The following SUMF1 variants were observed in gnomAD, a reference collection of about 807,000 sequenced individuals.
SUMF1 encodes the protein sulfatase modifying factor 1.
Under a neutral mutation model 47.6 loss-of-function variants are expected in SUMF1, and 48 were observed. The observed-to-expected ratio is 1.01, with a 90% CI of 0.80 to 1.28. The LOEUF (loss-of-function observed/expected upper bound fraction) is 1.28, where lower values mean the gene tolerates loss of function less well. SUMF1 is among the 50% of genes most tolerant of loss of function. The pLI, the probability that SUMF1 is intolerant of heterozygous loss-of-function variation, is 0.00. For synonymous variants in SUMF1, 230 were observed against 192.1 expected (o/e 1.20, Z -1.63); for missense variants, 571 against 485.4 (o/e 1.18, Z -1.66).
At chr3:4,364,121 T>A (rs533183868) in intron 8 of SUMF1, among the ~76,000 whole-genome samples, 1 of 134,610 alleles carries the variant, frequency 7.4e-6, no homozygotes, top group African/African-American at 2.6e-5. Context: ...CTGGATTCGG[T>A]TTGCCAGTAT....
chr3:4,093,558 AC>A, intron 8 of SUMF1, among the ~76,000 whole-genome samples: 1 of 152,232 alleles, frequency 6.6e-6, no homozygotes, highest in African/African-American at 2.4e-5. Context: ...CAAACACTAA[AC>A]AAAAAAAAAG....
At chr3:4,159,713 C>T (rs866874679) in intron 8 of SUMF1, among the ~76,000 whole-genome samples, 5 of 152,058 alleles carry the variant, frequency 3.3e-5, no homozygotes, top group South Asian at 2.1e-4. Context: ...TAAGGAACTG[C>T]GTTTTAGCAT....
At position 4,313,541 on chromosome 3, in the gene SUMF1, T is replaced by C. The variant is rs760881161; in HGVS notation, c.1014+62789A>G. On this transcript the variant is annotated intron_variant and NMD_transcript_variant, in intron 8 of 12. Transcript: ENST00000448413. Reference sequence around the variant, plus strand: ...TCTTATGATTATTCAGGAAGATATCTTAATCTAACAGTCAGTGAAGACAAA... The same window carrying C: ...TCTTATGATTATTCAGGAAGATATCCTAATCTAACAGTCAGTGAAGACAAA... The C allele has an allele frequency of 1.9e-6, 3 of 1,614,074 alleles. No individual in the cohort carries two copies. The South Asian group carries it at 3.3e-5, about 18-fold the overall frequency.
intron 8 of SUMF1, among the ~76,000 whole-genome samples, chr3:4,140,628 C>A (rs984461374): frequency 1.3e-5 from 2 of 151,674 alleles, no homozygotes; most frequent in Non-Finnish European, 2.9e-5. Flanking sequence ...TACATTATTC[C>A]TTGACTTTAC....
intron 8 of SUMF1, among the ~76,000 whole-genome samples, chr3:4,114,346 A>G (rs1043538855): frequency 6.6e-6 from 1 of 152,114 alleles, no homozygotes; most frequent in Non-Finnish European, 1.5e-5. Context: ...AAGAAAAAGG[A>G]AATGAGTCTA....
At chr3:4,212,366 A>G (rs2082283373) in intron 8 of SUMF1, among the ~76,000 whole-genome samples, 2 of 152,114 alleles carry the variant, frequency 1.3e-5, no homozygotes, top group South Asian at 4.1e-4. Flanking sequence ...AAGCTAACAA[A>G]AAGAAAGGAA....
At chr3:4,274,686 GGAA>G (rs1256266765) in intron 8 of SUMF1, among the ~76,000 whole-genome samples, 1 of 152,090 alleles carries the variant, frequency 6.6e-6, no homozygotes, top group African/African-American at 2.4e-5. Context: ...AAACATCCTG[GGAA>G]GAAGTTTTTC....
chr3:4,363,378 T>C (rs1699834733), intron 8 of SUMF1, among the ~76,000 whole-genome samples: 1 of 152,012 alleles, frequency 6.6e-6, no homozygotes. Context: ...TTCCATTTCT[T>C]TGTATCCTCT....
At chr3:4,225,246 C>G (rs1696148939) in intron 8 of SUMF1, among the ~76,000 whole-genome samples, 1 of 152,128 alleles carries the variant, frequency 6.6e-6, no homozygotes, top group Admixed American at 6.6e-5. Context: ...CTCACAGTGC[C>G]TCTCCTTGTC....
chr3:4,453,544 T>C (rs1388342990), intron 1 of SUMF1, among the ~76,000 whole-genome samples: 1 of 151,296 alleles, frequency 6.6e-6, no homozygotes, highest in Non-Finnish European at 1.5e-5. Context: ...TTTTTTTTTT[T>C]TTTTTTGAGA....
intron 9 of SUMF1, among the ~76,000 whole-genome samples, chr3:4,058,527 A>C (rs1165591700): frequency 2.6e-5 from 4 of 152,136 alleles, no homozygotes; most frequent in Non-Finnish European, 5.9e-5. Flanking sequence ...TCCACACAGA[A>C]GGGGGCAGGA....
intron 8 of SUMF1, among the ~76,000 whole-genome samples, chr3:4,237,360 G>C (rs1696432651): frequency 6.6e-6 from 1 of 151,916 alleles, no homozygotes; most frequent in Non-Finnish European, 1.5e-5. Context: ...TTTTAAATTT[G>C]CAATTCCATA....
chr3:4,036,116 T>C (rs1391205981), intron 9 of SUMF1, among the ~76,000 whole-genome samples: 1 of 152,126 alleles, frequency 6.6e-6, no homozygotes, highest in African/African-American at 2.4e-5. Flanking sequence ...CACTAGAATA[T>C]GAGAAAACAA....
At chr3:4,389,247 A>G (rs1283720715) in intron 7 of SUMF1, among the ~76,000 whole-genome samples, 1 of 152,064 alleles carries the variant, frequency 6.6e-6, no homozygotes, top group Non-Finnish European at 1.5e-5. Flanking sequence ...GGTTAACAAT[A>G]CTTTTCTTTC....
At chr3:4,333,906 C>T (rs1165770659) in intron 8 of SUMF1, among the ~76,000 whole-genome samples, 1 of 151,480 alleles carries the variant, frequency 6.6e-6, no homozygotes, top group African/African-American at 2.4e-5. Flanking sequence ...GGTGGGGGGA[C>T]TGCTTGAGAC....
rs1040691272 is a variant in SUMF1 at position 4,173,015 on chromosome 3, G to A, written c.1015-104270C>T. 4.5e-4 allele frequency among the ~76,000 whole-genome samples: 68 copies of A among 152,226 alleles called. 1 individual carries two copies. Among genetic ancestry groups the A allele is most frequent in the African/African-American group, 1.4e-3 (60 of 41,548 alleles). Reference sequence around the variant, plus strand: ...TTAGTTTAAGTCTTTAATCCATCTTGAGTTAATTTCTGTATAAGGTGTAAG... The same window carrying A: ...TTAGTTTAAGTCTTTAATCCATCTTAAGTTAATTTCTGTATAAGGTGTAAG... On this transcript the variant is annotated intron_variant and NMD_transcript_variant, in intron 8 of 12. Coordinates refer to the SUMF1 transcript ENST00000448413.
At chr3:4,290,622 T>G (rs1559656699) in intron 8 of SUMF1, among the ~76,000 whole-genome samples, 1 of 152,162 alleles carries the variant, frequency 6.6e-6, no homozygotes, top group Non-Finnish European at 1.5e-5. Context: ...CTCCTCAAAA[T>G]ACAGTTTAAA....
intron 8 of SUMF1, chr3:4,303,893 A>G (rs1159859306): frequency 1.6e-6 from 2 of 1,249,318 alleles, no homozygotes; most frequent in Non-Finnish European, 2.1e-6. Flanking sequence ...GGGGCCTATT[A>G]ATGGATCGCA....
intron 8 of SUMF1, among the ~76,000 whole-genome samples, chr3:4,140,925 G>C (rs1043746453): frequency 6.6e-6 from 1 of 152,016 alleles, no homozygotes; most frequent in Non-Finnish European, 1.5e-5. Context: ...AATAGGAATA[G>C]GGAAGAGGAA....
Sources: allele counts gnomAD v4.1 joint callset (sites outside exome capture counted in the v4.1 genomes callset), GRCh38; gene constraint gnomAD v4.1.1; transcripts MANE v1.5; gene names NCBI Gene and HGNC (gene_info 2026-07-23, HGNC 2026-07-21).